RANBP17: variants seen among roughly 807,000 people sequenced by gnomAD.
The protein encoded by RANBP17 is ran-binding protein 17.
A neutral mutation model predicts 141.2 loss-of-function variants in RANBP17; 158 were observed. The observed-to-expected ratio is 1.12, with a 90% CI of 0.98 to 1.28. The LOEUF is 1.28. Ranked by LOEUF, RANBP17 falls within the 50% of genes most tolerant of loss-of-function variation. The probability of loss-of-function intolerance (pLI) is 0.00; values close to 1 mark genes in which losing one functional copy is unlikely to be tolerated. For missense variants in RANBP17, 1,438 were observed against 1,290.7 expected, an observed-to-expected ratio of 1.11 and a Z score of -1.75; for synonymous variants, 430 against 450.0, an observed-to-expected ratio of 0.96 and a Z score of 0.56.
chr5:171,182,941 TTTC>T (rs1278623221), intron 16 of RANBP17, among the ~76,000 whole-genome samples: 39 of 152,234 alleles, frequency 2.6e-4, no homozygotes. Context: ...AAATTCATTC[TTTC>T]TTTCCATAAC....
At chr5:171,026,565 A>G (rs891659248) in intron 14 of RANBP17, among the ~76,000 whole-genome samples, 2 of 151,432 alleles carry the variant, frequency 1.3e-5, no homozygotes, top group Non-Finnish European at 2.9e-5. Context: ...ATATTCATTA[A>G]TTAATAATTT....
At position 171,288,057 on chromosome 5, in the gene RANBP17, A is replaced by G. The variant is rs144880194; in HGVS notation, c.2944-5826A>G. Reference sequence around the variant, plus strand: ...AATGCTTCCTATTTTGTTAATTTAAATTGCTGTGTACATTACTTTTGGTGG... The same window carrying G: ...AATGCTTCCTATTTTGTTAATTTAAGTTGCTGTGTACATTACTTTTGGTGG... On this transcript the variant is annotated intron_variant, in intron 25 of 27. Transcript: ENST00000523189. Among the ~76,000 whole-genome samples the G allele has an allele frequency of 4.0e-3, 609 of 152,292 alleles. 6 individuals carry two copies. Among genetic ancestry groups the G allele is most frequent in the African/African-American group, 0.013 (535 of 41,556 alleles).
chr5:170,919,671 G>T, intron 11 of RANBP17, 58 bp downstream of exon 11: 1 of 1,350,658 alleles, frequency 7.4e-7, no homozygotes, highest in Non-Finnish European at 1.0e-6. Context: ...AATTTTTTAA[G>T]ATAAAGTTAT....
In RANBP17 at chr5:171,035,030, A is replaced by C. The variant is rs1006216974; in HGVS notation, c.1710+66653A>C. ...TTGGACATATGGCTATAAATAAAAA[A>C]TAAGAAAATTAAAAAAGAGTAAGTG... On this transcript the variant is annotated intron_variant, in intron 14 of 27. Transcript: ENST00000523189. Among the ~76,000 whole-genome samples, 4 of 152,248 alleles carry C rather than the reference A, an allele frequency of 2.6e-5. 1 individual carries two copies. The highest frequency in any genetic ancestry group is 2.6e-4 in the Admixed American group (4 of 15,288).
intron 14 of RANBP17, among the ~76,000 whole-genome samples, chr5:171,051,285 T>A (rs1320156017): frequency 6.6e-6 from 1 of 152,194 alleles, no homozygotes; most frequent in Non-Finnish European, 1.5e-5. Context: ...TGTTTTTGAA[T>A]ATACACATTC....
intron 14 of RANBP17, among the ~76,000 whole-genome samples, chr5:171,065,181 G>A (rs887261422): frequency 6.6e-6 from 1 of 151,998 alleles, no homozygotes; most frequent in Non-Finnish European, 1.5e-5. Flanking sequence ...TGTAGTGGAA[G>A]GAATGAATCT....
intron 14 of RANBP17, among the ~76,000 whole-genome samples, chr5:171,012,786 A>G (rs10475965): frequency 0.61 from 92,971 of 151,962 alleles, 29,807 homozygotes; most frequent in South Asian, 0.88. Context: ...CTTTTTCTAC[A>G]AGTTGAATAT....
intron 14 of RANBP17, among the ~76,000 whole-genome samples, chr5:171,007,140 T>C (rs978855392): frequency 1.4e-4 from 22 of 152,154 alleles, no homozygotes; most frequent in Non-Finnish European, 4.4e-5. Flanking sequence ...TCACTCCAGG[T>C]TGAATTGTAG....
At chr5:170,880,141 A>G (rs1768538141) in intron 2 of RANBP17, among the ~76,000 whole-genome samples, 1 of 152,194 alleles carries the variant, frequency 6.6e-6, no homozygotes, top group South Asian at 2.1e-4. Context: ...TTCTTTGGAA[A>G]TATTCTGTCC....
intron 14 of RANBP17, among the ~76,000 whole-genome samples, chr5:171,062,176 TTA>T (rs1394731485): frequency 6.6e-6 from 1 of 151,998 alleles, no homozygotes; most frequent in Admixed American, 6.6e-5. Context: ...GTTAATATTG[TTA>T]TGTGTGAATT....
At chr5:171,233,083 G>T (rs1285305529) in intron 22 of RANBP17, among the ~76,000 whole-genome samples, 2 of 152,168 alleles carry the variant, frequency 1.3e-5, no homozygotes, top group African/African-American at 4.8e-5. Context: ...GCTCATGCCT[G>T]TAGTCCTAGC....
At chr5:171,149,375 A>T (rs1446867791) in intron 14 of RANBP17, among the ~76,000 whole-genome samples, 2 of 152,212 alleles carry the variant, frequency 1.3e-5, no homozygotes, top group Admixed American at 1.3e-4. Flanking sequence ...ACTGTTTCCT[A>T]TCTTGGGTTC....
At position 171,177,937 on chromosome 5, in the gene RANBP17, C is replaced by A. The variant is rs138460466; in HGVS notation, c.1866-5230C>A. The stretch of plus-strand genomic sequence containing the variant: ...TGCCCCTTCTGTTGAGTGATTATGA[C>A]TTAACTCCTGTTCCTTGTAAATAAT... On this transcript the variant is annotated intron_variant, in intron 16 of 27. Transcript: ENST00000523189. Among the ~76,000 whole-genome samples the A allele has an allele frequency of 9.3e-3, 1,408 of 152,070 alleles. 20 individuals are homozygous for A. Among genetic ancestry groups the A allele is most frequent in the African/African-American group, 0.032 (1,323 of 41,484 alleles).
chr5:171,181,878 T>C (rs1377841488), intron 16 of RANBP17, among the ~76,000 whole-genome samples: 2 of 152,250 alleles, frequency 1.3e-5, no homozygotes, highest in Non-Finnish European at 2.9e-5. Flanking sequence ...CATTATCTGA[T>C]CCTCAAAACA....
intron 1 of RANBP17, among the ~76,000 whole-genome samples, 179 bp from the exon 2 acceptor site, chr5:170,877,918 G>A (rs555130220): frequency 6.6e-6 from 1 of 152,322 alleles, no homozygotes; most frequent in African/African-American, 2.4e-5. Flanking sequence ...ATAATTTGGG[G>A]AGTAGGAGAT....
intron 11 of RANBP17, among the ~76,000 whole-genome samples, chr5:170,922,098 C>T (rs945593943): frequency 1.1e-5 from 1 of 91,028 alleles, no homozygotes; most frequent in Middle Eastern, 0.01. Context: ...AGCTGCAGGT[C>T]TGTTGGAGTT....
At chr5:170,915,745 C>G (rs1771895860) in intron 8 of RANBP17, among the ~76,000 whole-genome samples, 2 of 151,860 alleles carry the variant, frequency 1.3e-5, no homozygotes, top group Admixed American at 6.6e-5. Flanking sequence ...ATTACAGGTT[C>G]CCCCTGCCCC....
At chr5:171,062,271 T>G (rs575756200) in intron 14 of RANBP17, among the ~76,000 whole-genome samples, 1 of 152,344 alleles carries the variant, frequency 6.6e-6, no homozygotes, top group East Asian at 1.9e-4. Context: ...TCTTTACAAT[T>G]TGGCATAATT....
rs1486013608 is a variant in RANBP17, at chr5:171,084,532, G to A, written c.1711-85598G>A. Among the ~76,000 whole-genome samples, 363 of 58,180 alleles carry A rather than the reference G, an allele frequency of 6.2e-3. 112 individuals are homozygous for A. The highest frequency in any genetic ancestry group is 0.025 in the Middle Eastern group (2 of 80). The allele number at this position is 58,180 out of a possible 152,430, so 38.2% of individuals were successfully genotyped here. A position where few individuals can be genotyped will look rare whatever the true frequency, so the allele number is the denominator to read the frequency against. On this transcript the variant is annotated intron_variant, in intron 14 of 27. Coordinates refer to ENST00000523189, the MANE Select transcript of RANBP17 (RefSeq NM_022897.5). Reference sequence around the variant, plus strand: ...TCTAGTTCTAGATCCCTGAGGAATCGCCACACTGACTTGCACAATGGTTGA... The same window carrying A: ...TCTAGTTCTAGATCCCTGAGGAATCACCACACTGACTTGCACAATGGTTGA...
Sources: allele counts gnomAD v4.1 joint callset (sites outside exome capture counted in the v4.1 genomes callset), GRCh38; gene constraint gnomAD v4.1.1; transcripts MANE v1.5; gene names NCBI Gene and HGNC (gene_info 2026-07-23, HGNC 2026-07-21).